Variants in OR1J2 observed in about 807,000 individuals in gnomAD.
OR1J2 encodes olfactory receptor 1J2.
For synonymous variants in OR1J2, 142 were observed against 99.7 expected, an observed-to-expected ratio of 1.42 and a Z score of -2.52; for missense variants, 304 against 246.1, an observed-to-expected ratio of 1.24 and a Z score of -1.57.
the OR1J2 span, among the ~76,000 whole-genome samples, chr9:122,497,499 T>G: frequency 2.0e-5 from 3 of 152,232 alleles, no homozygotes; most frequent in African/African-American, 7.2e-5. Context: ...TGTATTTATG[T>G]GGGATTAGTT....
chr9:122,458,209 G>A, the OR1J2 span, among the ~76,000 whole-genome samples: 545 of 152,230 alleles, frequency 3.6e-3, 5 homozygotes, highest in Admixed American at 5.8e-3. Flanking sequence ...CTCTTAAAAT[G>A]TTATTCCCTT....
the OR1J2 span, chr9:122,553,624 C>A: frequency 6.2e-7 from 1 of 1,614,144 alleles, no homozygotes; most frequent in Non-Finnish European, 8.5e-7. Context: ...TACAGCACAT[C>A]TATGAGTCCC....
At chr9:122,460,533 GT>G in the OR1J2 span, among the ~76,000 whole-genome samples, 1 of 152,234 alleles carries the variant, frequency 6.6e-6, no homozygotes, top group Non-Finnish European at 1.5e-5. Context: ...ATAGTTTGAA[GT>G]CAGGTAATGT....
At chr9:122,560,051 C>T in the OR1J2 span, among the ~76,000 whole-genome samples, 74 of 152,240 alleles carry the variant, frequency 4.9e-4, no homozygotes, top group Non-Finnish European at 9.4e-4. Context: ...GTTAGCTCTT[C>T]CTGTTGCATT....
chr9:122,519,658 C>T, the OR1J2 span: 1 of 1,614,162 alleles, frequency 6.2e-7, no homozygotes, highest in Non-Finnish European at 8.5e-7. Context: ...GCTGACAACA[C>T]CATCCCCCAT....
At chr9:122,527,698 A>G in the OR1J2 span, among the ~76,000 whole-genome samples, 1 of 152,114 alleles carries the variant, frequency 6.6e-6, no homozygotes, top group Non-Finnish European at 1.5e-5. Flanking sequence ...ACACATCCTC[A>G]TTCATTTTAG....
At chr9:122,515,079 G>A (rs1215213508), downstream of OR1J2, among the ~76,000 whole-genome samples, 2 of 152,166 alleles carry the variant, frequency 1.3e-5, no homozygotes, top group Non-Finnish European at 2.9e-5. Flanking sequence ...GTCTCTAACC[G>A]TGAGCTTTGT....
the OR1J2 span, among the ~76,000 whole-genome samples, chr9:122,466,820 G>GT: frequency 0.012 from 1,840 of 147,774 alleles, 11 homozygotes; most frequent in Middle Eastern, 0.059. Flanking sequence ...AATTAGGAGT[G>GT]TTTTTTTTTT....
At chr9:122,527,050 T>C in the OR1J2 span, 1 of 1,614,076 alleles carries the variant, frequency 6.2e-7, no homozygotes, top group Non-Finnish European at 8.5e-7. Context: ...GTCTGTATAT[T>C]CACCAGCATC....
At chr9:122,578,314 T>C in the OR1J2 span, 1 of 152,200 alleles carries the variant, frequency 6.6e-6, no homozygotes, top group East Asian at 1.9e-4. Context: ...CTGGTCATGG[T>C]GGCAGTCACC....
the OR1J2 span, chr9:122,477,941 G>A: frequency 6.4e-7 from 1 of 1,558,416 alleles, no homozygotes; most frequent in South Asian, 1.2e-5. Context: ...ATATCAGCTG[G>A]AGGGCACTAG....
the OR1J2 span, among the ~76,000 whole-genome samples, chr9:122,491,281 C>T: frequency 6.6e-6 from 1 of 152,036 alleles, no homozygotes; most frequent in African/African-American, 2.4e-5. Flanking sequence ...ACCTATAGGT[C>T]ATCCATGAGA....
the OR1J2 span, among the ~76,000 whole-genome samples, chr9:122,543,731 C>G: frequency 3.9e-5 from 6 of 152,108 alleles, no homozygotes; most frequent in Non-Finnish European, 8.8e-5. Flanking sequence ...ACTTCCTACC[C>G]ATAAGGTCTA....
chr9:122,574,031 T>C, the OR1J2 span, among the ~76,000 whole-genome samples: 1 of 152,206 alleles, frequency 6.6e-6, no homozygotes, highest in Non-Finnish European at 1.5e-5. Context: ...TCAAAGATAG[T>C]TGCGTGGGTC....
At chr9:122,459,598 C>A in the OR1J2 span, among the ~76,000 whole-genome samples, 2 of 152,150 alleles carry the variant, frequency 1.3e-5, no homozygotes, top group Admixed American at 1.3e-4. Context: ...TTTGGATGCA[C>A]CAGTTCATGC....
the OR1J2 span, among the ~76,000 whole-genome samples, chr9:122,529,584 C>G: frequency 6.6e-6 from 1 of 152,180 alleles, no homozygotes; most frequent in Non-Finnish European, 1.5e-5. Context: ...TCTACTCAAG[C>G]ACTCTGCACC....
At chr9:122,526,876 C>T in the OR1J2 span, 1 of 1,614,032 alleles carries the variant, frequency 6.2e-7, no homozygotes, top group Non-Finnish European at 8.5e-7. Flanking sequence ...AGCATTAGGG[C>T]ACAGACTTGG....
At chr9:122,492,628 CA>C in the OR1J2 span, among the ~76,000 whole-genome samples, 3 of 152,080 alleles carry the variant, frequency 2.0e-5, no homozygotes, top group African/African-American at 7.2e-5. Flanking sequence ...AGTGTATAAA[CA>C]TTCCCTTTTC....
the OR1J2 span, among the ~76,000 whole-genome samples, chr9:122,533,545 A>G: frequency 6.6e-6 from 1 of 152,062 alleles, no homozygotes; most frequent in Non-Finnish European, 1.5e-5. Flanking sequence ...GAAGGCGGCA[A>G]TGAGGTGTGG....
Sources: allele counts gnomAD v4.1 joint callset (sites outside exome capture counted in the v4.1 genomes callset), GRCh38; gene constraint gnomAD v4.1.1; transcripts MANE v1.5; gene names NCBI Gene and HGNC (gene_info 2026-07-23, HGNC 2026-07-21).